The following RAD51B variants were observed in gnomAD, a reference collection of about 807,000 sequenced individuals.
RAD51B encodes the protein RAD51 paralog B.
A neutral mutation model predicts 42.2 loss-of-function variants in RAD51B; 38 were observed. That is an observed-to-expected ratio of 0.90 (90% CI 0.70 to 1.18). The LOEUF is 1.18. RAD51B is among the 50% of genes most tolerant of loss of function. RAD51B has a pLI of 0.00. For missense variants in RAD51B, 373 were observed against 400.7 expected (o/e 0.93, Z 0.59); for synonymous variants, 154 against 145.2 (o/e 1.06, Z -0.43).
Position 68,507,368 on chromosome 14 carries a change from G to A in RAD51B, c.1036+39118G>A, listed in dbSNP as rs193204899. ...GAGCCCAGCCCCAGGAAGTGTTTAT[G>A]AGCTTTTTCACTTTGCTTTATTCTG... is the stretch of plus-strand genomic sequence containing the variant. On this transcript the variant is annotated intron_variant, in intron 10 of 10. Transcript: ENST00000487270. Among the ~76,000 whole-genome samples the A allele has an allele frequency of 7.2e-5, 11 of 152,228 alleles. No homozygotes were observed. In the East Asian group the frequency reaches 2.1e-3, roughly 29 times the overall value.
intron 7 of RAD51B, among the ~76,000 whole-genome samples, chr14:68,211,572 T>C (rs2079708963): frequency 6.6e-6 from 1 of 152,220 alleles, no homozygotes; most frequent in Admixed American, 6.5e-5. Flanking sequence ...TATTATAGAT[T>C]GTAGACTAGA....
At chr14:68,573,788 C>A (rs1171118878) in intron 10 of RAD51B, among the ~76,000 whole-genome samples, 1 of 152,196 alleles carries the variant, frequency 6.6e-6, no homozygotes, top group Admixed American at 6.5e-5. Context: ...TATATCTGTT[C>A]CTGGGCCACC....
intron 8 of RAD51B, among the ~76,000 whole-genome samples, chr14:68,344,354 T>G (rs752300046): frequency 2.1e-4 from 32 of 152,246 alleles, no homozygotes; most frequent in Non-Finnish European, 4.3e-4. Flanking sequence ...AGCTTTAAGA[T>G]TTAATGACTG....
intron 5 of RAD51B, among the ~76,000 whole-genome samples, chr14:67,871,607 T>C (rs958541006): frequency 2.7e-4 from 41 of 152,134 alleles, no homozygotes; most frequent in Non-Finnish European, 5.1e-4. Context: ...ATCATCCTGA[T>C]ACCAAAGCCG....
intron 9 of RAD51B, among the ~76,000 whole-genome samples, chr14:68,423,806 G>A (rs868721813): frequency 3.3e-5 from 5 of 152,100 alleles, no homozygotes; most frequent in African/African-American, 1.2e-4. Flanking sequence ...GAGCTTTTTC[G>A]ATCTCTGTTA....
intron 5 of RAD51B, among the ~76,000 whole-genome samples, chr14:67,868,497 C>G (rs1311859685): frequency 3.9e-5 from 6 of 152,148 alleles, no homozygotes; most frequent in Admixed American, 2.0e-4. Context: ...AAGGCGGCAG[C>G]GAGGCTCAGG....
chr14:67,924,019 TA>T (rs1482812760), intron 7 of RAD51B, among the ~76,000 whole-genome samples: 1 of 152,238 alleles, frequency 6.6e-6, no homozygotes, highest in Non-Finnish European at 1.5e-5. Flanking sequence ...GCCATTTGTA[TA>T]TCTTCTTTTG....
chr14:67,933,930 A>G lies in RAD51B; in HGVS notation c.756+46726A>G, dbSNP rs558811843. Among the ~76,000 whole-genome samples the G allele has an allele frequency of 2.0e-5, 3 of 152,342 alleles. No individual in the cohort carries two copies. In the South Asian group the frequency reaches 6.2e-4, roughly 32 times the overall value. On this transcript the variant is annotated intron_variant, in intron 7 of 10. Transcript: ENST00000471583. Reference sequence around the variant, plus strand: ...TATACCTTTAATTCTACCAGAATTGAAGTAACAAATTTGTCTACTTTAGGG... The same window carrying G: ...TATACCTTTAATTCTACCAGAATTGGAGTAACAAATTTGTCTACTTTAGGG...
intron 7 of RAD51B, among the ~76,000 whole-genome samples, chr14:68,195,745 C>T (rs2079355952): frequency 6.6e-6 from 1 of 150,940 alleles, no homozygotes; most frequent in South Asian, 2.1e-4. Context: ...CCTGTCCCTA[C>T]TAAAAATACA....
intron 10 of RAD51B, among the ~76,000 whole-genome samples, chr14:68,602,570 G>C (rs1262534568): frequency 6.6e-6 from 1 of 152,128 alleles, no homozygotes; most frequent in Non-Finnish European, 1.5e-5. Flanking sequence ...GTTGATATTA[G>C]ATGATAGAAA....
At chr14:68,121,512 C>A (rs541166854) in intron 7 of RAD51B, among the ~76,000 whole-genome samples, 37 of 152,150 alleles carry the variant, frequency 2.4e-4, no homozygotes, top group African/African-American at 8.9e-4. Context: ...CTCTTGCTAA[C>A]CTAAAAACGA....
intron 5 of RAD51B, among the ~76,000 whole-genome samples, chr14:67,866,907 T>C (rs1464027521): frequency 3.3e-5 from 5 of 152,220 alleles, no homozygotes; most frequent in Admixed American, 3.3e-4. Context: ...AGCTCCTTTG[T>C]TGGAATTACG....
At chr14:68,637,847 G>A (rs1277525789) in intron 10 of RAD51B, among the ~76,000 whole-genome samples, 1 of 152,198 alleles carries the variant, frequency 6.6e-6, no homozygotes, top group Non-Finnish European at 1.5e-5. Context: ...CACACAGGCA[G>A]CCTGCTGGGA....
intron 7 of RAD51B, among the ~76,000 whole-genome samples, chr14:68,065,810 T>G (rs1395402043): frequency 2.6e-5 from 4 of 152,128 alleles, no homozygotes; most frequent in African/African-American, 4.8e-5. Flanking sequence ...ACTTAAAATT[T>G]AGGTTTTGTG....
At chr14:68,379,032 C>T (rs910550000) in intron 8 of RAD51B, among the ~76,000 whole-genome samples, 2 of 152,200 alleles carry the variant, frequency 1.3e-5, no homozygotes, top group Non-Finnish European at 2.9e-5. Flanking sequence ...ATACTAGGTA[C>T]CTGTTATTTG....
chr14:68,286,859 G>A (rs1008386442), intron 7 of RAD51B, among the ~76,000 whole-genome samples: 4 of 152,228 alleles, frequency 2.6e-5, no homozygotes, highest in African/African-American at 9.6e-5. Flanking sequence ...CTGGCAGAGA[G>A]TTGGGCTCAG....
chr14:67,960,841 T>A lies in RAD51B; in HGVS notation c.756+73637T>A, dbSNP rs944998768. Among the ~76,000 whole-genome samples the A allele has an allele frequency of 5.9e-5, 9 of 152,042 alleles. No individual in the cohort carries two copies. In the South Asian group the frequency reaches 1.9e-3, roughly 32 times the overall value. On this transcript the variant is annotated intron_variant, in intron 7 of 10. Coordinates refer to ENST00000471583, the MANE Select transcript of RAD51B (RefSeq NM_133510.4). ...CTGCCTTTATGCCTGGCTAATTTTT[T>A]AATTTTTTGTAGAGACAGGGTCTGA...
chr14:68,506,705 G>C (rs905005854), intron 10 of RAD51B, among the ~76,000 whole-genome samples: 28 of 151,964 alleles, frequency 1.8e-4, no homozygotes, highest in African/African-American at 6.0e-4. Flanking sequence ...AAAGGCGGGT[G>C]GGGGGGACAA....
At chr14:68,007,371 C>T (rs1426739976) in intron 7 of RAD51B, among the ~76,000 whole-genome samples, 1 of 151,918 alleles carries the variant, frequency 6.6e-6, no homozygotes, top group Non-Finnish European at 1.5e-5. Context: ...TCTCTTGACT[C>T]TATATCTGGG....
Sources: gnomAD v4.1 joint callset for allele counts (sites outside exome capture counted in the v4.1 genomes callset) on GRCh38, gnomAD v4.1.1 for gene constraint, MANE v1.5 for transcripts, NCBI Gene and HGNC (gene_info 2026-07-23, HGNC 2026-07-21) for gene names.